Variants in ADCY5 observed in about 807,000 individuals in gnomAD.
ADCY5 encodes adenylate cyclase type 5.
A neutral mutation model predicts 119.7 loss-of-function variants in ADCY5; 30 were observed. That is an observed-to-expected ratio of 0.25 (90% CI 0.19 to 0.34). ADCY5 has a LOEUF of 0.34. Among genes scored for constraint, ADCY5 ranks in the 10% least tolerant of loss-of-function variants. The pLI is 1.00. For missense variants in ADCY5, 1,324 were observed against 1,775.2 expected (o/e 0.75, Z 4.57); for synonymous variants, 753 against 762.2 (o/e 0.99, Z 0.20).
At chr3:123,429,548 T>A (rs1945480802) in intron 1 of ADCY5, among the ~76,000 whole-genome samples, 1 of 150,706 alleles carries the variant, frequency 6.6e-6, no homozygotes, top group East Asian at 2.0e-4. Context: ...TCACGCAGCA[T>A]CCTGAAGGCT....
At chr3:123,317,956 C>A in intron 11 of ADCY5, 64 bp downstream of exon 11, 1 of 1,454,190 alleles carries the variant, frequency 6.9e-7, no homozygotes. Flanking sequence ...AATGACCACC[C>A]CCTCCCACTC....
chr3:123,289,669 C>A, intron 19 of ADCY5, 81 bp downstream of exon 19: 4 of 1,498,052 alleles, frequency 2.7e-6, no homozygotes, highest in Non-Finnish European at 3.7e-6. Flanking sequence ...ATGGCGGATG[C>A]GGTATGGGGT....
At position 123,286,853 on chromosome 3, in the gene ADCY5, T is replaced by A. The variant is rs1408769988; in HGVS notation, c.3533-44A>T. On this transcript the variant is annotated intron_variant, in intron 19 of 20. Transcript: ENST00000462833. This position sits in a 1 kb window ranked among gnomAD's most constrained non-coding sequence, Gnocchi z 4.2. ...AGCCACAGTCATCACATCTCTGGCT[T>A]GACCTTGCCACCATCTGTCTCCCCA... 1 of 1,539,998 alleles carries A rather than the reference T, an allele frequency of 6.5e-7. No homozygotes were observed. The highest frequency in any genetic ancestry group is 8.7e-7 in the Non-Finnish European group (1 of 1,145,818).
rs1014790350 is a variant in ADCY5, at chr3:123,310,403, G to T, written c.2442+3832C>A. 2.6e-5 allele frequency among the ~76,000 whole-genome samples: 4 copies of T among 152,246 alleles called. No homozygotes were observed. In the South Asian group the frequency reaches 8.3e-4, roughly 32 times the overall value. ...GGAACATGTGGAGCTGGCCAAAGAG[G>T]GAAGGGGCTGCACTCAGGAGCTGTG... On this transcript the variant is annotated intron_variant, in intron 12 of 20. Transcript: ENST00000462833.
At chr3:123,307,068 TGGGGGCTGTGGTGATCAGGGCA>T (rs1940237375) in intron 12 of ADCY5, among the ~76,000 whole-genome samples, 1 of 147,716 alleles carries the variant, frequency 6.8e-6, no homozygotes, top group Admixed American at 6.8e-5. Context: ...GAGTGGTTGC[TGGGGGCTGTGGTGATCAGGGCA>T]GGGGGAGTGA....
At chr3:123,363,612 A>G (rs1015630974) in intron 1 of ADCY5, among the ~76,000 whole-genome samples, 1 of 152,246 alleles carries the variant, frequency 6.6e-6, no homozygotes, top group African/African-American at 2.4e-5. Context: ...ACAGTTAAAT[A>G]AATTATGGTG....
intron 5 of ADCY5, 119 bp from the exon 6 acceptor site, chr3:123,328,921 C>T (rs1941625225): frequency 1.8e-6 from 2 of 1,089,008 alleles, no homozygotes; most frequent in South Asian, 3.1e-5. Context: ...TTCTCTCTCC[C>T]ATCCAGCCCT....
chr3:123,319,582 T>G, intron 10 of ADCY5, 92 bp downstream of exon 10: 1 of 1,497,396 alleles, frequency 6.7e-7, no homozygotes, highest in South Asian at 1.2e-5. Flanking sequence ...TCCGTGGTGC[T>G]GGGGGCATGA....
chr3:123,339,474 G>T (rs1236231221), intron 3 of ADCY5, among the ~76,000 whole-genome samples: 2 of 152,232 alleles, frequency 1.3e-5, no homozygotes, highest in Non-Finnish European at 2.9e-5. Context: ...AGGGGCACAG[G>T]CTGGGAAAGG....
At chr3:123,440,906 C>T (rs1041996519) in intron 1 of ADCY5, among the ~76,000 whole-genome samples, 2 of 152,234 alleles carry the variant, frequency 1.3e-5, no homozygotes, top group Admixed American at 6.5e-5. Flanking sequence ...ATGACCCAAT[C>T]GCCTTCCAGA....
intron 12 of ADCY5, among the ~76,000 whole-genome samples, chr3:123,312,681 T>C (rs1940649388): frequency 6.6e-6 from 1 of 152,216 alleles, no homozygotes; most frequent in Admixed American, 6.5e-5. Context: ...CTTCTTTCAC[T>C]CAGCGTCATG....
chr3:123,339,496 A>G (rs1942177682), intron 3 of ADCY5, among the ~76,000 whole-genome samples: 1 of 152,228 alleles, frequency 6.6e-6, no homozygotes, highest in African/African-American at 2.4e-5. Context: ...AAAGGGGGAA[A>G]GGCCTATGGG....
chr3:123,318,435 G>A (rs1250250246), intron 10 of ADCY5, among the ~76,000 whole-genome samples: 1 of 152,140 alleles, frequency 6.6e-6, no homozygotes, highest in Non-Finnish European at 1.5e-5. Context: ...AACATGCCAG[G>A]TGTCTACAGG....
intron 1 of ADCY5, among the ~76,000 whole-genome samples, chr3:123,395,296 C>G (rs1040694168): frequency 2.0e-5 from 3 of 152,184 alleles, no homozygotes; most frequent in Non-Finnish European, 4.4e-5. Flanking sequence ...TAAGCTGTAA[C>G]CCCAGTCTAC....
intron 2 of ADCY5, among the ~76,000 whole-genome samples, chr3:123,349,877 A>G (rs1436696006): frequency 6.6e-6 from 1 of 152,190 alleles, no homozygotes; most frequent in Admixed American, 6.5e-5. Context: ...CAAGCAAGCA[A>G]CTGCTTTTCC....
Position 123,319,716 on chromosome 3 carries a change from G to T in ADCY5, c.2214C>A (p.Arg738=), listed in dbSNP as rs780348679. 18 of 1,614,112 alleles carry T rather than the reference G, an allele frequency of 1.1e-5. No individual in the cohort carries two copies. In the South Asian group the frequency reaches 1.9e-4, roughly 17 times the overall value. The change falls in exon 10 of 21, where the codon CGC becomes CGA. Residue 738 remains arginine, a synonymous_variant. Transcript: ENST00000462833. ...GCTCCCTGAAGGTCAGGAGGAACTT[G>T]CGGACGTGCTCAGACCGAAGCCTAT... ...SIDRLRSEHV[R]KFLLTFREPD... is the part of the protein sequence containing the mutation.
chr3:123,303,303 C>G lies in ADCY5; in HGVS notation c.2560-84G>C. Reference sequence around the variant, plus strand: ...AGCCCAGCCCACCAGGCCGCAGGCTCCCGCCTGTCCTCCGCCTCAGGTGCA... The same window carrying G: ...AGCCCAGCCCACCAGGCCGCAGGCTGCCGCCTGTCCTCCGCCTCAGGTGCA... On this transcript the variant is annotated intron_variant, in intron 13 of 20. Coordinates refer to ENST00000462833, the MANE Select transcript of ADCY5 (RefSeq NM_183357.3). 3 of 1,419,292 alleles carry G rather than the reference C, an allele frequency of 2.1e-6. No individual in the cohort carries two copies. In the South Asian group the frequency reaches 3.9e-5, roughly 18 times the overall value. 87.9% of individuals were successfully genotyped at this position (1,419,292 alleles called of 1,614,324 possible). A position where few individuals can be genotyped will look rare whatever the true frequency, so the allele number is the denominator to read the frequency against.
At chr3:123,360,299 T>C (rs1253534472) in intron 1 of ADCY5, among the ~76,000 whole-genome samples, 2 of 151,982 alleles carry the variant, frequency 1.3e-5, no homozygotes, top group Non-Finnish European at 2.9e-5. Flanking sequence ...CTCACTAGGG[T>C]CCTGCCCAGA....
chr3:123,373,896 C>T (rs1943731818), intron 1 of ADCY5, among the ~76,000 whole-genome samples: 1 of 151,666 alleles, frequency 6.6e-6, no homozygotes, highest in African/African-American at 2.4e-5. Flanking sequence ...CCTTTTGGTT[C>T]CTATAAAATC....
Sources: allele counts gnomAD v4.1 joint callset (sites outside exome capture counted in the v4.1 genomes callset), GRCh38; gene constraint gnomAD v4.1.1; non-coding constraint Gnocchi (gnomAD v3.1); transcripts MANE v1.5; gene names NCBI Gene and HGNC (gene_info 2026-07-23, HGNC 2026-07-21).